Variants in STK4 observed in about 807,000 individuals in gnomAD.
STK4 encodes serine/threonine kinase 4, also known as serine/threonine-protein kinase 4.
Under a neutral mutation model 64.9 loss-of-function variants are expected in STK4, and 30 were observed. The observed-to-expected ratio is 0.46, with a 90% CI of 0.35 to 0.63. STK4 has a LOEUF of 0.63. Ranked by LOEUF, STK4 falls within the 20% of genes least tolerant of loss-of-function variation. The probability of loss-of-function intolerance (pLI) is 0.01; values close to 1 mark genes in which losing one functional copy is unlikely to be tolerated. For missense variants in STK4, 466 were observed against 598.5 expected, an observed-to-expected ratio of 0.78 and a Z score of 2.31; for synonymous variants, 177 against 199.0, an observed-to-expected ratio of 0.89 and a Z score of 0.93.
Position 45,061,192 on chromosome 20 carries a change from C to T in STK4, c.1306-13826C>T, listed in dbSNP as rs138557239. ...AATTCCATAGCAAGTCGTAAAGGCT[C>T]ATGCCAGAATAGAGTTGGAATAAAT... On this transcript the variant is annotated intron_variant, in intron 10 of 10. Coordinates refer to ENST00000372806, the MANE Select transcript of STK4 (RefSeq NM_006282.5). Among the ~76,000 whole-genome samples, 11 of 152,246 alleles carry T rather than the reference C, an allele frequency of 7.2e-5. No individual in the cohort carries two copies. In the East Asian group the frequency reaches 2.1e-3, roughly 29 times the overall value.
At chr20:45,037,460 A>G (rs996133874) in intron 10 of STK4, among the ~76,000 whole-genome samples, 1 of 152,174 alleles carries the variant, frequency 6.6e-6, no homozygotes, top group Non-Finnish European at 1.5e-5. Context: ...CAGCACAGAG[A>G]GCTAATATCC....
intron 10 of STK4, among the ~76,000 whole-genome samples, chr20:45,037,416 G>T (rs1568743159): frequency 1.3e-5 from 2 of 152,028 alleles, no homozygotes; most frequent in Non-Finnish European, 1.5e-5. Context: ...TTTTTCCTTG[G>T]TATATCAGAG....
At chr20:45,063,340 AATG>A (rs1277162211) in intron 10 of STK4, among the ~76,000 whole-genome samples, 9 of 152,178 alleles carry the variant, frequency 5.9e-5, no homozygotes, top group East Asian at 5.8e-4. Flanking sequence ...TCTAATGATT[AATG>A]ATGTTGAGCA....
chr20:45,027,299 G>GC lies in STK4; in HGVS notation c.1305+2170dup, dbSNP rs1356753974. Among the ~76,000 whole-genome samples the GC allele has an allele frequency of 1.4e-4, 21 of 151,952 alleles. No homozygotes were observed. The East Asian group carries it at 3.9e-3, about 28-fold the overall frequency. On this transcript the variant is annotated intron_variant, in intron 10 of 10. Coordinates refer to ENST00000372806, the MANE Select transcript of STK4 (RefSeq NM_006282.5). Reference sequence around the variant, plus strand: ...CAAAAAAATCAGCCAGTGTGGTGGTGCATGCCTGTAATCCCAGCTACTCGG... The same window carrying GC: ...CAAAAAAATCAGCCAGTGTGGTGGTGCCATGCCTGTAATCCCAGCTACTCGG...
Position 45,075,425 on chromosome 20 carries a change from A to C in STK4, c.*249A>C. The C allele has an allele frequency of 2.7e-6, 1 of 367,968 alleles. No homozygotes were observed. The highest frequency in any genetic ancestry group is 4.5e-5 in the East Asian group (1 of 22,316). The allele number at this position is 367,968 out of a possible 1,614,324, so 22.8% of individuals were successfully genotyped here. A position where few individuals can be genotyped will look rare whatever the true frequency, so the allele number is the denominator to read the frequency against. On this transcript the variant is annotated 3_prime_UTR_variant, in exon 11 of 11. Transcript: ENST00000372806. ...TGGCGCTTTTAACTCAGAGTTTTAA[A>C]CCCCAGGAACAGAGACTCCTAGTTG...
At chr20:45,050,519 A>ATTTGAAATTTTGATACATAT (rs1568755668) in intron 10 of STK4, among the ~76,000 whole-genome samples, 1 of 152,226 alleles carries the variant, frequency 6.6e-6, no homozygotes, top group Admixed American at 6.5e-5. Flanking sequence ...CTGTTCACAA[A>ATTTGAAATTTTGATACATAT]TTTGAAATTT....
intron 9 of STK4, among the ~76,000 whole-genome samples, chr20:45,002,676 T>TA (rs2145700622): frequency 6.6e-6 from 1 of 152,326 alleles, no homozygotes; most frequent in Non-Finnish European, 1.5e-5. Context: ...TAATGACCCC[T>TA]ATAGACCTAT....
At chr20:45,053,802 T>C (rs906492984) in intron 10 of STK4, among the ~76,000 whole-genome samples, 7 of 152,256 alleles carry the variant, frequency 4.6e-5, no homozygotes, top group Non-Finnish European at 7.3e-5. Flanking sequence ...TCACATTTGC[T>C]TGACTACCTG....
Position 45,075,368 on chromosome 20 carries a change from T to G in STK4, c.*192T>G. 1 of 635,124 alleles carries G rather than the reference T, an allele frequency of 1.6e-6. No individual in the cohort carries two copies. Among genetic ancestry groups the G allele is most frequent in the Non-Finnish European group, 2.6e-6 (1 of 380,314 alleles). 39.3% of individuals were successfully genotyped at this position (635,124 alleles called of 1,614,324 possible). A position where few individuals can be genotyped will look rare whatever the true frequency, so the allele number is the denominator to read the frequency against. On this transcript the variant is annotated 3_prime_UTR_variant, in exon 11 of 11. Coordinates refer to ENST00000372806, the MANE Select transcript of STK4 (RefSeq NM_006282.5). ...GCCATCTTGATGTGTGTATGTACAT[T>G]GGTCAGGTATATTATCTCAAAGGAT...
chr20:44,983,137 G>A (rs1415444619), intron 4 of STK4, among the ~76,000 whole-genome samples: 1 of 152,210 alleles, frequency 6.6e-6, no homozygotes, highest in Non-Finnish European at 1.5e-5. Context: ...ATGACTAGAA[G>A]GGAATAGGCA....
At chr20:45,004,754 CCTTTTTTTTTTTCTTTTTT>C (rs1249461018) in intron 9 of STK4, among the ~76,000 whole-genome samples, 2 of 149,888 alleles carry the variant, frequency 1.3e-5, no homozygotes, top group Admixed American at 6.7e-5. Context: ...CTTTTTTTCT[CCTTTTTTTTTTTCTTTTTT>C]CTTTTTTTTT....
intron 4 of STK4, among the ~76,000 whole-genome samples, chr20:44,986,489 T>G (rs2067532092): frequency 1.3e-5 from 2 of 152,150 alleles, no homozygotes; most frequent in South Asian, 4.1e-4. Context: ...AGCCAGATCA[T>G]GTAAAGCCTT....
In STK4 at chr20:45,004,768, TTTTTTC is replaced by T. The variant is rs1387753497; in HGVS notation, c.1147+3421_1147+3426del. ...CCTTTTTTTCTCCTTTTTTTTTTTC[TTTTTTC>T]TTTTTTTTTTTTGAGACGGAGTCTT... On this transcript the variant is annotated intron_variant, in intron 9 of 10. Transcript: ENST00000372806. Among the ~76,000 whole-genome samples the T allele has an allele frequency of 2.1e-3, 310 of 150,816 alleles. 1 individual carries two copies. The highest frequency in any genetic ancestry group is 7.4e-3 in the African/African-American group (304 of 41,136).
At position 44,987,165 on chromosome 20, in the gene STK4, T is replaced by G. The variant is rs751537507; in HGVS notation, c.394T>G (p.Ser132Ala). The G allele has an allele frequency of 9.4e-6, 15 of 1,603,508 alleles. 1 individual carries two copies. Among genetic ancestry groups the G allele is most frequent in the African/African-American group, 8.1e-5 (6 of 74,148 alleles). ...AGATGAAATAGCTACAATATTACAA[T>G]CAACTCTTAAGGGACTTGAATACCT... is the stretch of plus-strand genomic sequence containing the variant. Reference protein sequence around the residue: ...TEDEIATILQSTLKGLEYLHF... With the variant: ...TEDEIATILQATLKGLEYLHF... The change falls in exon 5 of 11, where the codon TCA (serine) becomes GCA (alanine). Residue 132 changes from serine (S) to alanine (A), a missense_variant. Ser to Ala is a moderately conservative substitution (Grantham distance 99). Around this residue, in one of 2 missense-constraint regions of STK4, gnomAD observed 190 missense variants for 289.7 expected, o/e 0.66. Transcript: ENST00000372806.
intron 9 of STK4, among the ~76,000 whole-genome samples, chr20:45,015,217 C>G (rs1354085957): frequency 1.3e-5 from 2 of 152,146 alleles, no homozygotes; most frequent in African/African-American, 4.8e-5. Flanking sequence ...AATGATTTTA[C>G]TTCAACACCG....
At chr20:44,984,531 A>G (rs1411724620) in intron 4 of STK4, among the ~76,000 whole-genome samples, 2 of 151,954 alleles carry the variant, frequency 1.3e-5, no homozygotes, top group Non-Finnish European at 2.9e-5. Context: ...ACTACACGTT[A>G]TTTTGCCAAA....
At chr20:44,997,413 T>A (rs2067754630) in intron 7 of STK4, 107 bp downstream of exon 7, 2 of 1,379,370 alleles carry the variant, frequency 1.4e-6, no homozygotes, top group South Asian at 3.0e-5. Context: ...TAAGGCAGGC[T>A]GGGTGCAGTG....
At chr20:44,971,082 TACACACACACACACAC>T (rs142027582) in intron 1 of STK4, among the ~76,000 whole-genome samples, 14 of 136,518 alleles carry the variant, frequency 1.0e-4, no homozygotes, top group Admixed American at 2.2e-4. Context: ...TTGTGTAGAC[TACACACACACACACAC>T]ACACACACAC....
chr20:44,994,497 T>C (rs2067692084), intron 5 of STK4, among the ~76,000 whole-genome samples: 1 of 151,906 alleles, frequency 6.6e-6, no homozygotes, highest in South Asian at 2.1e-4. Context: ...TTCTTTTTTT[T>C]TTCTTTTTAA....
Sources: gnomAD v4.1 joint callset for allele counts (sites outside exome capture counted in the v4.1 genomes callset) on GRCh38, gnomAD v4.1.1 for gene constraint, gnomAD v4.1.1 regional missense constraint, MANE v1.5 for transcripts, NCBI Gene and HGNC (gene_info 2026-07-23, HGNC 2026-07-21) for gene names.